ASIP: variants seen among roughly 807,000 people sequenced by gnomAD.
ASIP encodes agouti-signaling protein.
In ASIP, 11 loss-of-function variants were observed where a neutral mutation model predicts 10.3. That is an observed-to-expected ratio of 1.07 (90% CI 0.68 to 1.78). ASIP has a LOEUF of 1.78. Ranked by LOEUF, ASIP falls within the 40% of genes most tolerant of loss-of-function variation. ASIP has a pLI of 0.00. For synonymous variants in ASIP, 70 were observed against 70.8 expected, an observed-to-expected ratio of 0.99 and a Z score of 0.06; for missense variants, 180 against 169.2, an observed-to-expected ratio of 1.06 and a Z score of -0.35.
intron 1 of ASIP, among the ~76,000 whole-genome samples, chr20:34,257,282 GGTTTCACCATGTTGGCCAGGTC>G (rs2035590450): frequency 6.6e-6 from 1 of 151,542 alleles, no homozygotes; most frequent in Non-Finnish European, 1.5e-5. Context: ...GTAGAAACGG[GGTTTCACCATGTTGGCCAGGTC>G]GAACTCCTGA....
chr20:34,268,630 G>C (rs573630532), intron 3 of ASIP, among the ~76,000 whole-genome samples: 1 of 152,090 alleles, frequency 6.6e-6, no homozygotes, highest in African/African-American at 2.4e-5. Flanking sequence ...CAGCTACTTG[G>C]GAGGTTGAAG....
intron 1 of ASIP, among the ~76,000 whole-genome samples, chr20:34,212,367 T>C (rs1035645878): frequency 1.3e-5 from 2 of 152,220 alleles, no homozygotes; most frequent in Non-Finnish European, 1.5e-5. Context: ...CACACATTCA[T>C]GCACACACAC....
At chr20:34,215,043 T>A in intron 1 of ASIP, 3 of 1,507,790 alleles carry the variant, frequency 2.0e-6, no homozygotes, top group Non-Finnish European at 1.8e-6. Flanking sequence ...AGTCAACATC[T>A]TCTTCCTGGT....
At chr20:34,235,849 GAAGGAAGGAAGGAAGGA>G (rs1319576104) in intron 1 of ASIP, among the ~76,000 whole-genome samples, 117 of 44,502 alleles carry the variant, frequency 2.6e-3, no homozygotes, top group Middle Eastern at 0.01. Context: ...AAGAAGGAAG[GAAGGAAGGAAGGAAGGA>G]AAGGAAGGAA....
intron 1 of ASIP, chr20:34,214,324 T>C: frequency 7.5e-7 from 1 of 1,330,290 alleles, no homozygotes; most frequent in East Asian, 2.3e-5. Flanking sequence ...GGTTCAACTG[T>C]GAAAAACTTT....
At chr20:34,224,901 T>G (rs911629546) in intron 1 of ASIP, among the ~76,000 whole-genome samples, 3 of 144,210 alleles carry the variant, frequency 2.1e-5, no homozygotes, top group African/African-American at 7.8e-5. Flanking sequence ...ATATGCCACT[T>G]AATTCTTTTT....
chr20:34,216,966 A>T (rs2122557170), intron 1 of ASIP, among the ~76,000 whole-genome samples: 1 of 152,218 alleles, frequency 6.6e-6, no homozygotes. Flanking sequence ...GTTCTATATG[A>T]TGTTATCTCT....
intron 1 of ASIP, among the ~76,000 whole-genome samples, chr20:34,242,461 G>A (rs1265352779): frequency 6.6e-6 from 1 of 152,130 alleles, no homozygotes; most frequent in Non-Finnish European, 1.5e-5. Context: ...TCAAACTCCT[G>A]GCCTCAGGTG....
At chr20:34,197,429 C>T (rs777556234) in intron 1 of ASIP, among the ~76,000 whole-genome samples, 15 of 152,188 alleles carry the variant, frequency 9.9e-5, no homozygotes, top group Non-Finnish European at 2.2e-4. Flanking sequence ...ACTCTTCCTT[C>T]GGGTTAGCCT....
At chr20:34,189,188 G>A in the ASIP span, among the ~76,000 whole-genome samples, 4 of 152,118 alleles carry the variant, frequency 2.6e-5, no homozygotes, top group African/African-American at 9.7e-5. Context: ...GCAGAGCCAC[G>A]GTCTGGTGCC....
At chr20:34,196,173 CTTTTTTTTTT>C (rs34524786) in intron 1 of ASIP, among the ~76,000 whole-genome samples, 4 of 83,694 alleles carry the variant, frequency 4.8e-5, no homozygotes, top group Middle Eastern at 0.01. Flanking sequence ...AGGGAGATTT[CTTTTTTTTTT>C]TTTTTTTTTT....
At chr20:34,199,269 T>A (rs1194059941) in intron 1 of ASIP, among the ~76,000 whole-genome samples, 4 of 152,204 alleles carry the variant, frequency 2.6e-5, no homozygotes, top group Non-Finnish European at 5.9e-5. Context: ...GGGCTATTAC[T>A]GAACAGAAGC....
chr20:34,188,137 T>C, the ASIP span, among the ~76,000 whole-genome samples: 1 of 152,252 alleles, frequency 6.6e-6, no homozygotes, highest in Non-Finnish European at 1.5e-5. Context: ...TTATTGAGCA[T>C]ATTTATGTGT....
chr20:34,214,573 C>A, intron 1 of ASIP: 1 of 1,435,818 alleles, frequency 7.0e-7, no homozygotes, highest in Non-Finnish European at 9.8e-7. Flanking sequence ...CAGTGTAGAA[C>A]TAAAAACTCT....
intron 1 of ASIP, among the ~76,000 whole-genome samples, chr20:34,246,962 A>T (rs1257388819): frequency 4.0e-5 from 6 of 148,376 alleles, no homozygotes; most frequent in Admixed American, 4.0e-4. Flanking sequence ...TTTTTGTTTT[A>T]GTTGTCATTG....
the ASIP span, among the ~76,000 whole-genome samples, chr20:34,186,655 G>A: frequency 6.6e-6 from 1 of 151,924 alleles, no homozygotes; most frequent in Non-Finnish European, 1.5e-5. Flanking sequence ...AAGAAAATGG[G>A]CCACTGATGG....
At position 34,260,438 on chromosome 20, in the gene ASIP, A is replaced by T; in HGVS notation, c.64A>T (p.Ser22Cys). The T allele has an allele frequency of 6.2e-7, 1 of 1,614,120 alleles. No individual in the cohort carries two copies. The highest frequency in any genetic ancestry group is 8.5e-7 in the Non-Finnish European group (1 of 1,179,988). ...CTTCCTCTGCTTCTTCACTGCCAAC[A>T]GCCACCTGCCACCTGAGGAGAAGCT... is the stretch of plus-strand genomic sequence containing the variant. ...LVFLCFFTANSHLPPEEKLRD... is the reference protein window; with the variant it reads ...LVFLCFFTANCHLPPEEKLRD... Residue 22 changes from serine to cysteine, a missense_variant, in exon 2 of 4, where the codon AGC becomes TGC. Transcript: ENST00000374954.
At chr20:34,223,893 G>A (rs1191827696) in intron 1 of ASIP, among the ~76,000 whole-genome samples, 3 of 103,498 alleles carry the variant, frequency 2.9e-5, no homozygotes, top group Non-Finnish European at 3.9e-5. Context: ...CTTCTGCCTT[G>A]GGATCCTGTT....
At chr20:34,262,207 G>T (rs888449167) in intron 2 of ASIP, among the ~76,000 whole-genome samples, 2 of 152,164 alleles carry the variant, frequency 1.3e-5, no homozygotes, top group Non-Finnish European at 2.9e-5. Flanking sequence ...GATCTTCAGT[G>T]TAACAGACTT....
Sources: allele counts gnomAD v4.1 joint callset (sites outside exome capture counted in the v4.1 genomes callset), GRCh38; gene constraint gnomAD v4.1.1; transcripts MANE v1.5; gene names NCBI Gene and HGNC (gene_info 2026-07-23, HGNC 2026-07-21).